Variants in SREBF1 observed in about 807,000 individuals in gnomAD.
The protein encoded by SREBF1 is sterol regulatory element binding transcription factor 1.
In SREBF1, 45 loss-of-function variants were observed where a neutral mutation model predicts 100.1. That is an observed-to-expected ratio of 0.45 (90% CI 0.35 to 0.58). SREBF1 has a LOEUF of 0.58. Ranked by LOEUF, SREBF1 falls within the 20% of genes least tolerant of loss-of-function variation. SREBF1 has a pLI of 0.00. For missense variants in SREBF1, 1,324 were observed against 1,539.4 expected, an observed-to-expected ratio of 0.86 and a Z score of 2.34; for synonymous variants, 657 against 681.8, an observed-to-expected ratio of 0.96 and a Z score of 0.57.
At chr17:17,831,962 C>G (rs1483062189) in intron 1 of SREBF1, among the ~76,000 whole-genome samples, 1 of 152,220 alleles carries the variant, frequency 6.6e-6, no homozygotes, top group African/African-American at 2.4e-5. Context: ...AGTCTAATGA[C>G]TCAAACACTG....
rs1194104265 is a variant in SREBF1 at position 17,820,403 on chromosome 17, G to A, written c.210C>T (p.Gly70=). Residue 70 remains glycine, a synonymous_variant, in exon 2 of 19, where the codon GGC becomes GGT. Coordinates refer to ENST00000261646, the MANE Select transcript of SREBF1 (RefSeq NM_004176.5). The part of the protein sequence containing the change: ...DPASPDTSSP[G]SLSPPPATLS... ...ATGTGGCAGGAGGTGGAGACAAGCT[G>A]CCTGGGGAGCTGGTATCGGGGCTGG... is the stretch of plus-strand genomic sequence containing the variant. The A allele has an allele frequency of 1.2e-6, 2 of 1,612,882 alleles. No individual in the cohort carries two copies. Among genetic ancestry groups the A allele is most frequent in the Non-Finnish European group, 8.5e-7 (1 of 1,179,050 alleles).
At chr17:17,821,766 C>T (rs2034120048) in intron 1 of SREBF1, among the ~76,000 whole-genome samples, 1 of 152,136 alleles carries the variant, frequency 6.6e-6, no homozygotes, top group Non-Finnish European at 1.5e-5. Flanking sequence ...AGGGAAGTCC[C>T]CCAAGAGGAC....
intron 1 of SREBF1, among the ~76,000 whole-genome samples, chr17:17,825,405 C>CG (rs899027946): frequency 2.9e-4 from 42 of 142,606 alleles, no homozygotes; most frequent in East Asian, 2.9e-3. Flanking sequence ...GGGGGTGGGG[C>CG]GGGGGGGGCC....
chr17:17,813,721 G>A lies in SREBF1; in HGVS notation c.2950C>T (p.Leu984=), dbSNP rs1480086016. 1.3e-6 allele frequency: 2 copies of A among 1,536,036 alleles called. No individual in the cohort carries two copies. Among genetic ancestry groups the A allele is most frequent in the Non-Finnish European group, 1.7e-6 (2 of 1,147,150 alleles). The change falls in exon 17 of 19, where the codon CTG becomes TTG. Residue 984 remains leucine (L), a synonymous_variant. Coordinates refer to ENST00000261646, the MANE Select transcript of SREBF1 (RefSeq NM_004176.5). ...GCCGGGGGCTGCTGCTGCCGCCACA[G>A]GCTGGTGCGCACCACAAGAAGCAGG... ...CDLLLVVRTS[L]WRQQQPPAPA...
chr17:17,833,875 G>A (rs555834927), intron 1 of SREBF1, among the ~76,000 whole-genome samples: 1 of 152,196 alleles, frequency 6.6e-6, no homozygotes, highest in South Asian at 2.1e-4. Flanking sequence ...CTACTTGGGA[G>A]CTGGAGAATC....
rs377749662 is a variant in SREBF1 at position 17,817,168 on chromosome 17, T to C, written c.1607-32A>G. On this transcript the variant is annotated intron_variant, in intron 8 of 18. Coordinates refer to ENST00000261646, the MANE Select transcript of SREBF1 (RefSeq NM_004176.5). This position sits in a 1 kb window ranked among gnomAD's most constrained non-coding sequence, Gnocchi z 6.6. ...ACAGAGGGAAAGCTGGGGACACAGC[T>C]CCCAGGAAATCCAGAGCCCCAAGTT... The C allele has an allele frequency of 3.8e-4, 608 of 1,612,500 alleles. 7 individuals carry two copies. The South Asian group carries it at 6.3e-3, about 17-fold the overall frequency.
At position 17,812,606 on chromosome 17, in the gene SREBF1, G is replaced by A; in HGVS notation, c.*16C>T. ...AGTGGCTAGAGACAGGGGTGCTGAG[G>A]CCGGGGACACGGGGTCTAGCTGGAA... is the stretch of plus-strand genomic sequence containing the variant. On this transcript the variant is annotated 3_prime_UTR_variant, in exon 19 of 19. Transcript: ENST00000261646. The A allele has an allele frequency of 1.9e-6, 3 of 1,585,734 alleles. No individual in the cohort carries two copies. The Admixed American group carries it at 5.2e-5, about 28-fold the overall frequency.
intron 1 of SREBF1, among the ~76,000 whole-genome samples, chr17:17,821,150 CAT>C (rs2034072421): frequency 8.1e-6 from 1 of 123,134 alleles, no homozygotes; most frequent in African/African-American, 3.2e-5. Flanking sequence ...AGTCCACACA[CAT>C]ACACACACAC....
rs2033876361 is a variant in SREBF1, at chr17:17,819,089, A to G, written c.992T>C (p.Ile331Thr). 3.7e-6 allele frequency: 6 copies of G among 1,613,932 alleles called. No individual in the cohort carries two copies. The South Asian group carries it at 6.6e-5, about 18-fold the overall frequency. ...RGEKRTAHNA[I>T]EKRYRSSIND... ...GATGGAGGAGCGGTAGCGCTTCTCA[A>G]TGGCGTTGTGGGCTGTGCGCTTCTC... is the stretch of plus-strand genomic sequence containing the variant. The change falls in exon 5 of 19, where the codon ATT becomes ACT. Residue 331 changes from isoleucine to threonine, a missense_variant. By Grantham distance (89) the Ile-to-Thr change is moderately conservative. Transcript: ENST00000261646.
At chr17:17,823,511 A>G in intron 1 of SREBF1, 1 of 1,610,986 alleles carries the variant, frequency 6.2e-7, no homozygotes, top group Non-Finnish European at 8.5e-7. Context: ...GAGGCCTCCA[A>G]AAATACCTTC....
intron 11 of SREBF1, 22 bp downstream of exon 11, chr17:17,816,185 C>T: frequency 3.5e-5 from 1 of 28,786 alleles, no homozygotes; most frequent in Non-Finnish European, 6.2e-5. Flanking sequence ...GGGATAAGCC[C>T]CCAGCCCCCC....
chr17:17,829,191 T>TAAAAAAAA (rs1253225038), intron 1 of SREBF1, among the ~76,000 whole-genome samples: 6 of 44,942 alleles, frequency 1.3e-4, no homozygotes, highest in African/African-American at 7.3e-4. Context: ...GACTCCATCT[T>TAAAAAAAA]AAAAAAAAAA....
chr17:17,815,927 G>C lies in SREBF1; in HGVS notation c.2316C>G (p.Phe772Leu). The C allele has an allele frequency of 6.2e-7, 1 of 1,612,984 alleles. No homozygotes were observed. Among genetic ancestry groups the C allele is most frequent in the Non-Finnish European group, 8.5e-7 (1 of 1,179,934 alleles). Residue 772 changes from phenylalanine to leucine, a missense_variant, in exon 12 of 19, where the codon TTC becomes TTG. By Grantham distance (22) the Phe-to-Leu change is conservative. Coordinates refer to ENST00000261646, the MANE Select transcript of SREBF1 (RefSeq NM_004176.5). ...TGAGCACGGACCAGTCCCCATCCAC[G>C]AAGAAACGGTGGCCCACGGGGTGGC... ...WLCHPVGHRF[F>L]VDGDWSVLST...
intron 17 of SREBF1, 38 bp from the exon 18 acceptor site, chr17:17,813,517 C>T (rs1030827674): frequency 1.3e-6 from 2 of 1,589,224 alleles, no homozygotes; most frequent in Admixed American, 3.5e-5. Flanking sequence ...GGCTCTCCAT[C>T]TCCACCACTG....
intron 12 of SREBF1, 82 bp downstream of exon 12, chr17:17,815,778 G>T: frequency 6.9e-7 from 1 of 1,450,844 alleles, no homozygotes; most frequent in Non-Finnish European, 9.5e-7. Flanking sequence ...GCCAGAGACA[G>T]CCAGAGATTC....
rs891011756 is a variant in SREBF1, at chr17:17,814,153, G to C, written c.2901+92C>G. 4.9e-6 allele frequency: 7 copies of C among 1,424,470 alleles called. No individual in the cohort carries two copies. The African/African-American group carries it at 9.9e-5, about 20-fold the overall frequency. The allele number at this position is 1,424,470 out of a possible 1,614,324, so 88.2% of individuals were successfully genotyped here. On this transcript the variant is annotated intron_variant, in intron 16 of 18. Coordinates refer to ENST00000261646, the MANE Select transcript of SREBF1 (RefSeq NM_004176.5). Reference sequence around the variant, plus strand: ...CTGTGCTGCTTGGGCTAACCCCATGGTCTTCTGCAGCCCCTGGGGGCTGGG... The same window carrying C: ...CTGTGCTGCTTGGGCTAACCCCATGCTCTTCTGCAGCCCCTGGGGGCTGGG...
At chr17:17,821,367 G>A (rs959726008) in intron 1 of SREBF1, among the ~76,000 whole-genome samples, 2 of 152,102 alleles carry the variant, frequency 1.3e-5, no homozygotes, top group African/African-American at 4.8e-5. Context: ...TGTGAAACGG[G>A]GGGCACGCCT....
chr17:17,818,217 T>G (rs771818317), intron 6 of SREBF1, 43 bp downstream of exon 6: 1 of 1,555,554 alleles, frequency 6.4e-7, no homozygotes. Flanking sequence ...GGAGCAAGGC[T>G]AGAGAAGAGG....
intron 1 of SREBF1, among the ~76,000 whole-genome samples, chr17:17,829,205 A>AATATATATATATAT (rs71155305): frequency 1.1e-4 from 7 of 65,804 alleles, no homozygotes; most frequent in African/African-American, 6.1e-4. Context: ...AAAAAAAAAA[A>AATATATATATATAT]ATATATATAT....
Sources: gnomAD v4.1 joint callset for allele counts (sites outside exome capture counted in the v4.1 genomes callset) on GRCh38, gnomAD v4.1.1 for gene constraint, Gnocchi (gnomAD v3.1) non-coding constraint, MANE v1.5 for transcripts, NCBI Gene and HGNC (gene_info 2026-07-23, HGNC 2026-07-21) for gene names.